Variants in CPNE4 observed in about 807,000 individuals in gnomAD.
CPNE4 encodes the protein copine-4.
CPNE4 carries 25 observed loss-of-function variants against 67.9 expected under a neutral mutation model. The observed-to-expected ratio is 0.37, with a 90% CI of 0.27 to 0.51. CPNE4 has a LOEUF of 0.51. Ranked by LOEUF, CPNE4 falls within the 20% of genes least tolerant of loss-of-function variation. CPNE4 has a pLI of 0.93. For synonymous variants in CPNE4, 242 were observed against 244.9 expected, an observed-to-expected ratio of 0.99 and a Z score of 0.11; for missense variants, 464 against 690.8, an observed-to-expected ratio of 0.67 and a Z score of 3.68.
At chr3:131,607,212 C>G (rs1285439712) in intron 7 of CPNE4, among the ~76,000 whole-genome samples, 4 of 151,556 alleles carry the variant, frequency 2.6e-5, no homozygotes, top group African/African-American at 4.8e-5. Flanking sequence ...ATTCCTTCCA[C>G]CGAGATGGAG....
At chr3:131,820,076 A>G (rs1307852678) in intron 2 of CPNE4, among the ~76,000 whole-genome samples, 2 of 152,216 alleles carry the variant, frequency 1.3e-5, no homozygotes, top group Non-Finnish European at 2.9e-5. Context: ...TACAATGGGA[A>G]AAATATTAGG....
intron 1 of CPNE4, among the ~76,000 whole-genome samples, chr3:131,967,595 A>C (rs11708798): frequency 0.38 from 57,797 of 151,718 alleles, 11,383 homozygotes; most frequent in Non-Finnish European, 0.44. Context: ...AAACACAGAG[A>C]CAAATCATGA....
chr3:131,848,010 T>C (rs1229708883), intron 2 of CPNE4, among the ~76,000 whole-genome samples: 1 of 152,188 alleles, frequency 6.6e-6, no homozygotes, highest in Admixed American at 6.5e-5. Context: ...TGCAGAAGAC[T>C]TGTATGTCCA....
chr3:131,863,490 G>A (rs60585519), intron 2 of CPNE4, among the ~76,000 whole-genome samples: 48,662 of 152,070 alleles, frequency 0.32, 8,316 homozygotes, highest in African/African-American at 0.42. Flanking sequence ...TGTGTCTTTT[G>A]GCTGCATAAA....
At chr3:131,652,850 G>A (rs2079848387) in intron 7 of CPNE4, among the ~76,000 whole-genome samples, 1 of 152,216 alleles carries the variant, frequency 6.6e-6, no homozygotes, top group African/African-American at 2.4e-5. Flanking sequence ...TTCCTGAGAT[G>A]TGGGACTTCC....
At chr3:131,673,473 C>A (rs75261642) in intron 6 of CPNE4, among the ~76,000 whole-genome samples, 9,182 of 151,960 alleles carry the variant, frequency 0.06, 640 homozygotes, top group East Asian at 0.36. Flanking sequence ...TGAACATGGA[C>A]TATTTTTCCA....
At chr3:131,652,041 T>C (rs146242064) in intron 7 of CPNE4, among the ~76,000 whole-genome samples, 1 of 152,290 alleles carries the variant, frequency 6.6e-6, no homozygotes, top group African/African-American at 2.4e-5. Flanking sequence ...AGATTGAGGA[T>C]TGCTGTTATC....
intron 4 of CPNE4, among the ~76,000 whole-genome samples, chr3:131,698,711 A>G (rs1325571269): frequency 1.3e-5 from 2 of 151,854 alleles, no homozygotes; most frequent in East Asian, 3.9e-4. Context: ...GGAGTTGGAG[A>G]CCAACCTGGC....
chr3:131,965,053 G>T (rs953306276), intron 1 of CPNE4, among the ~76,000 whole-genome samples: 1 of 152,200 alleles, frequency 6.6e-6, no homozygotes, highest in African/African-American at 2.4e-5. Context: ...AGCTGGAAGA[G>T]AGTGGGGGCC....
At chr3:131,933,777 C>T (rs1474495865) in intron 1 of CPNE4, among the ~76,000 whole-genome samples, 1 of 149,288 alleles carries the variant, frequency 6.7e-6, no homozygotes, top group Non-Finnish European at 1.5e-5. Context: ...AAATAAGCCA[C>T]GTACAGAAAG....
intron 7 of CPNE4, among the ~76,000 whole-genome samples, chr3:131,607,710 G>T (rs1451206453): frequency 6.6e-6 from 1 of 152,112 alleles, no homozygotes; most frequent in Non-Finnish European, 1.5e-5. Context: ...ACTATGGGAG[G>T]TTAATAGGTA....
At chr3:131,869,300 G>A (rs146267572) in intron 2 of CPNE4, among the ~76,000 whole-genome samples, 1 of 152,284 alleles carries the variant, frequency 6.6e-6, no homozygotes, top group Non-Finnish European at 1.5e-5. Flanking sequence ...AGCTTGTAGT[G>A]TTGTGCTCTG....
At chr3:131,785,390 C>T (rs1168960446) in intron 2 of CPNE4, among the ~76,000 whole-genome samples, 1 of 152,050 alleles carries the variant, frequency 6.6e-6, no homozygotes, top group African/African-American at 2.4e-5. Flanking sequence ...TCCCTCACCT[C>T]CTTCATGTTT....
chr3:131,940,048 T>C (rs1383509618), intron 1 of CPNE4, among the ~76,000 whole-genome samples: 1 of 152,110 alleles, frequency 6.6e-6, no homozygotes, highest in Non-Finnish European at 1.5e-5. Flanking sequence ...CCTGTTTGTG[T>C]GCATTTTTGT....
intron 7 of CPNE4, among the ~76,000 whole-genome samples, chr3:131,623,543 GCTT>G (rs1940586600): frequency 6.6e-6 from 1 of 152,154 alleles, no homozygotes; most frequent in Non-Finnish European, 1.5e-5. Flanking sequence ...CCTGGCAGGT[GCTT>G]CTTTATTTCT....
intron 2 of CPNE4, among the ~76,000 whole-genome samples, chr3:131,861,929 G>T (rs148999684): frequency 6.6e-6 from 1 of 152,160 alleles, no homozygotes; most frequent in Non-Finnish European, 1.5e-5. Context: ...AATAGTAAAA[G>T]AGGGAGTTAC....
chr3:131,756,082 A>G (rs1254653602), intron 2 of CPNE4, among the ~76,000 whole-genome samples: 5 of 152,164 alleles, frequency 3.3e-5, no homozygotes, highest in African/African-American at 1.2e-4. Flanking sequence ...AGTGTCTATA[A>G]AGAAACAGCG....
At chr3:131,573,091 A>G (rs1006136020) in intron 10 of CPNE4, among the ~76,000 whole-genome samples, 10 of 152,156 alleles carry the variant, frequency 6.6e-5, no homozygotes, top group African/African-American at 2.4e-4. Context: ...AGTGACTGGT[A>G]TGTTTCCTTT....
intron 3 of CPNE4, among the ~76,000 whole-genome samples, chr3:131,721,765 G>T (rs1279701262): frequency 6.6e-6 from 1 of 152,138 alleles, no homozygotes; most frequent in Admixed American, 6.5e-5. Context: ...GTTTAAGGGA[G>T]AATCTTGGCA....
Sources: gnomAD v4.1 joint callset for allele counts (sites outside exome capture counted in the v4.1 genomes callset) on GRCh38, gnomAD v4.1.1 for gene constraint, MANE v1.5 for transcripts, NCBI Gene and HGNC (gene_info 2026-07-23, HGNC 2026-07-21) for gene names.